The following AKAP9 variants were observed in gnomAD, a reference collection of about 807,000 sequenced individuals.
AKAP9 encodes A-kinase anchor protein 9.
In AKAP9, 311 loss-of-function variants were observed where a neutral mutation model predicts 488.5. That is an observed-to-expected ratio of 0.64 (90% confidence interval 0.58 to 0.70). The LOEUF is 0.70. Among genes scored for constraint, AKAP9 ranks in the 30% least tolerant of loss-of-function variants. The pLI is 0.00. For missense variants in AKAP9, 4,215 were observed against 4,374.5 expected, an observed-to-expected ratio of 0.96 and a Z score of 1.03; for synonymous variants, 1,462 against 1,483.5, an observed-to-expected ratio of 0.99 and a Z score of 0.33.
intron 45 of AKAP9, 84 bp downstream of exon 45, chr7:92,101,140 T>G: frequency 1.4e-6 from 2 of 1,389,272 alleles, no homozygotes; most frequent in Non-Finnish European, 1.9e-6. Flanking sequence ...AAATAAACAG[T>G]CTAAAGAAAT....
rs764350789 is a variant in AKAP9, at chr7:92,084,992, T to C, written c.8832+52T>C. The C allele has an allele frequency of 1.9e-6, 3 of 1,596,360 alleles. No homozygotes were observed. The South Asian group carries it at 3.3e-5, about 18-fold the overall frequency. ...AACTCAGCCAGTGTTGTTTCTATGT[T>C]GAACATAGCAGTTCATTAGAAGTTA... On this transcript the variant is annotated intron_variant, in intron 35 of 49. Transcript: ENST00000356239.
chr7:92,066,535 C>T lies in AKAP9; in HGVS notation c.6319C>T (p.Gln2107Ter). The T allele has an allele frequency of 1.9e-6, 3 of 1,613,430 alleles. No homozygotes were observed. Among genetic ancestry groups the T allele is most frequent in the Non-Finnish European group, 2.5e-6 (3 of 1,179,588 alleles). Residue 2107 changes from glutamine to a stop codon, truncating the protein, a stop_gained, in exon 26 of 50, where the codon CAA (glutamine) becomes TAA (stop). Coordinates refer to ENST00000356239, the MANE Select transcript of AKAP9 (RefSeq NM_005751.5). LOFTEE classifies it high-confidence loss of function. ...VPRFQPISEH[Q>*]TREVEQLANH... The stretch of plus-strand genomic sequence containing the variant: ...TCGATTCCAGCCTATCAGTGAACAT[C>T]AAACTAGAGAGGTAAGAACTTCACT...
At chr7:91,941,882 T>TTGTGTGTGTGTGTGTG (rs10700954) in intron 1 of AKAP9, among the ~76,000 whole-genome samples, 31 of 147,726 alleles carry the variant, frequency 2.1e-4, no homozygotes, top group Non-Finnish European at 3.6e-4. Context: ...CGAATCCTGG[T>TTGTGTGTGTGTGTGTG]TGTGTGTGTG....
At chr7:92,099,476 G>A (rs971260210) in intron 43 of AKAP9, among the ~76,000 whole-genome samples, 2 of 151,992 alleles carry the variant, frequency 1.3e-5, no homozygotes, top group South Asian at 2.1e-4. Flanking sequence ...ACAACACCCC[G>A]AAAACAATAC....
chr7:92,015,632 G>A (rs1265098698), intron 10 of AKAP9, among the ~76,000 whole-genome samples: 1 of 152,060 alleles, frequency 6.6e-6, no homozygotes, highest in Admixed American at 6.6e-5. Context: ...CCAAAGTGCT[G>A]GGATTACAGG....
At position 92,022,299 on chromosome 7, in the gene AKAP9, A is replaced by G. The variant is rs777900362; in HGVS notation, c.3899A>G (p.Glu1300Gly). Residue 1300 changes from glutamate (E) to glycine (G), a missense_variant, in exon 13 of 50, where the codon GAG (glutamate) becomes GGG (glycine). This residue lies in a region of AKAP9 where 2,361 missense variants were observed against 2,430.0 expected (regional missense o/e 0.97). Coordinates refer to ENST00000356239, the MANE Select transcript of AKAP9 (RefSeq NM_005751.5). ...TTTGGAGAAGAAAACCTTCCAAAAGAGGAAACAGAGTTTTTATCAATCCAT... is the reference window on the plus strand; with the variant it reads ...TTTGGAGAAGAAAACCTTCCAAAAGGGGAAACAGAGTTTTTATCAATCCAT... ...LEFGEENLPKEETEFLSIHSQ... is the reference protein window; with the variant it reads ...LEFGEENLPKGETEFLSIHSQ... 6.2e-6 allele frequency: 10 copies of G among 1,613,630 alleles called. No individual in the cohort carries two copies. In the South Asian group the frequency reaches 1.1e-4, roughly 18 times the overall value.
chr7:92,097,469 A>C (rs1584545475), intron 41 of AKAP9, 112 bp downstream of exon 41: 1 of 1,512,640 alleles, frequency 6.6e-7, no homozygotes, highest in East Asian at 2.4e-5. Context: ...AAATCACTTA[A>C]AAATGAAATC....
intron 1 of AKAP9, among the ~76,000 whole-genome samples, chr7:91,943,430 A>G (rs115160815): frequency 0.014 from 2,187 of 152,312 alleles, 45 homozygotes; most frequent in African/African-American, 0.05. Context: ...ACTCTGGATT[A>G]TAATTTTATT....
chr7:92,007,980 AAAG>A (rs1378929315), intron 8 of AKAP9, among the ~76,000 whole-genome samples: 1 of 152,242 alleles, frequency 6.6e-6, no homozygotes, highest in Non-Finnish European at 1.5e-5. Context: ...AGAAAAGTAA[AAAG>A]AAGGAAATAA....
At position 92,079,078 on chromosome 7, in the gene AKAP9, G is replaced by A; in HGVS notation, c.6946-1G>A. The A allele has an allele frequency of 6.3e-7, 1 of 1,584,286 alleles. No homozygotes were observed. The highest frequency in any genetic ancestry group is 8.6e-7 in the Non-Finnish European group (1 of 1,161,856). On this transcript the variant is annotated splice_acceptor_variant, in intron 30 of 49. Coordinates refer to ENST00000356239, the MANE Select transcript of AKAP9 (RefSeq NM_005751.5). LOFTEE classifies it high-confidence loss of function. ...ATGTTACCTTTTTCATTAATTATTAGGTTATTGAAGAAAAAAATGAACTGA... is the reference window on the plus strand; with the variant it reads ...ATGTTACCTTTTTCATTAATTATTAAGTTATTGAAGAAAAAAATGAACTGA...
In AKAP9 at chr7:91,992,972, G is replaced by T; in HGVS notation, c.493G>T (p.Ala165Ser). 6.2e-7 allele frequency: 1 copy of T among 1,614,090 alleles called. No individual in the cohort carries two copies. The highest frequency in any genetic ancestry group is 8.5e-7 in the Non-Finnish European group (1 of 1,179,990). Residue 165 changes from alanine to serine, a missense_variant, in exon 5 of 50, where the codon GCT becomes TCT. Coordinates refer to ENST00000356239, the MANE Select transcript of AKAP9 (RefSeq NM_005751.5). Reference sequence around the variant, plus strand: ...TCTAGAGATGATGGAAAGTGAGTTGGCTGGGAAGCAGCATGAGATTGAAGA... The same window carrying T: ...TCTAGAGATGATGGAAAGTGAGTTGTCTGGGAAGCAGCATGAGATTGAAGA... ...THLEMMESEL[A>S]GKQHEIEELN... is the part of the protein sequence containing the mutation.
chr7:92,040,670 A>C lies in AKAP9; in HGVS notation c.4693-4A>C. The C allele has an allele frequency of 7.0e-7, 1 of 1,428,340 alleles. No individual in the cohort carries two copies. The highest frequency in any genetic ancestry group is 1.2e-5 in the South Asian group (1 of 81,070). The allele number at this position is 1,428,340 out of a possible 1,614,324, so 88.5% of individuals were successfully genotyped here. On this transcript the variant is annotated splice_region_variant and splice_polypyrimidine_tract_variant and intron_variant, in intron 17 of 49. Coordinates refer to ENST00000356239, the MANE Select transcript of AKAP9 (RefSeq NM_005751.5). ...TGTTTTTTTTTTTTTTTTTACTATT[A>C]AAGATTCATGATGAGATTTCAGTGT... is the stretch of plus-strand genomic sequence containing the variant.
intron 43 of AKAP9, among the ~76,000 whole-genome samples, chr7:92,098,573 T>C: frequency 6.6e-6 from 1 of 152,238 alleles, no homozygotes; most frequent in East Asian, 1.9e-4. Flanking sequence ...AGTTTATCTC[T>C]TGACTTCTTT....
rs773139062 is a variant in AKAP9 at position 92,020,599 on chromosome 7, A to T, written c.3838-1639A>T. Among the ~76,000 whole-genome samples, 263 of 152,230 alleles carry T rather than the reference A, an allele frequency of 1.7e-3. 1 individual carries two copies. Among genetic ancestry groups the T allele is most frequent in the Non-Finnish European group, 2.9e-3 (198 of 68,018 alleles). On this transcript the variant is annotated intron_variant, in intron 12 of 49. Coordinates refer to ENST00000356239, the MANE Select transcript of AKAP9 (RefSeq NM_005751.5). ...TTTGTATCACATTACTTTTCATGTT[A>T]TATAATTGTTTACCATTCTGCCTCT...
chr7:91,970,751 T>G (rs1196115897), intron 1 of AKAP9, among the ~76,000 whole-genome samples: 1 of 152,214 alleles, frequency 6.6e-6, no homozygotes, highest in African/African-American at 2.4e-5. Flanking sequence ...ATTGTTTGCT[T>G]CTTTTCTTTT....
At chr7:91,994,863 A>G (rs184811144) in intron 6 of AKAP9, 87 bp downstream of exon 6, 19 of 1,300,498 alleles carry the variant, frequency 1.5e-5, no homozygotes, top group Non-Finnish European at 1.9e-5. Context: ...TAAATTTGTT[A>G]AAAAAGCCAT....
intron 14 of AKAP9, among the ~76,000 whole-genome samples, 174 bp downstream of exon 14, chr7:92,023,183 GA>G (rs1334887584): frequency 6.6e-6 from 1 of 152,080 alleles, no homozygotes; most frequent in Non-Finnish European, 1.5e-5. Context: ...TGAAATGCCT[GA>G]AAAAAATGTT....
chr7:92,002,571 A>G lies in AKAP9; in HGVS notation c.2654A>G (p.Gln885Arg), dbSNP rs1375252998. ...KDDLEDSKNK[Q>R]ELEYKSKLKA... Reference sequence around the variant, plus strand: ...GATTTAGAAGACAGTAAAAATAAACAGGAATTAGAGTATAAAAGTAAACTT... The same window carrying G: ...GATTTAGAAGACAGTAAAAATAAACGGGAATTAGAGTATAAAAGTAAACTT... Residue 885 changes from glutamine (Q) to arginine (R), a missense_variant, in exon 8 of 50, where the codon CAG becomes CGG. Physicochemically the swap from Gln to Arg is conservative, Grantham distance 43. Coordinates refer to ENST00000356239, the MANE Select transcript of AKAP9 (RefSeq NM_005751.5). 6.2e-7 allele frequency: 1 copy of G among 1,608,848 alleles called. No individual in the cohort carries two copies.
In AKAP9 at chr7:92,002,403, A is replaced by G. The variant is rs748818641; in HGVS notation, c.2486A>G (p.Asn829Ser). The change falls in exon 8 of 50, where the codon AAT becomes AGT. Residue 829 changes from asparagine (N) to serine (S), a missense_variant. By Grantham distance (46) the Asn-to-Ser change is conservative. Around this residue, in one of 5 missense-constraint regions of AKAP9, gnomAD observed 2,361 missense variants for 2,430.0 expected, o/e 0.97. Coordinates refer to ENST00000356239, the MANE Select transcript of AKAP9 (RefSeq NM_005751.5). ...GAAATAGAAATACTTATAGAGGAAA[A>G]TGAGGACCTCAAACAACAATGTATT... ...EKEIEILIEENEDLKQQCIQL... is the reference protein window; with the variant it reads ...EKEIEILIEESEDLKQQCIQL... 6.2e-7 allele frequency: 1 copy of G among 1,610,566 alleles called. No individual in the cohort carries two copies. Among genetic ancestry groups the G allele is most frequent in the Non-Finnish European group, 8.5e-7 (1 of 1,178,874 alleles).
Sources: gnomAD v4.1 joint callset for allele counts (sites outside exome capture counted in the v4.1 genomes callset) on GRCh38, gnomAD v4.1.1 for gene constraint, gnomAD v4.1.1 regional missense constraint, MANE v1.5 for transcripts, NCBI Gene and HGNC (gene_info 2026-07-23, HGNC 2026-07-21) for gene names.